Variants in KIAA0825 observed in about 807,000 individuals in gnomAD.
KIAA0825 encodes the protein uncharacterized protein KIAA0825.
KIAA0825 carries 119 observed loss-of-function variants against 147.6 expected under a neutral mutation model. The ratio of observed to expected loss-of-function variants is 0.81; its 90% CI spans 0.69 to 0.94. The LOEUF is 0.94. KIAA0825 is among the 40% of genes least tolerant of loss of function. The pLI is 0.00. For synonymous variants in KIAA0825, 470 were observed against 518.1 expected, an observed-to-expected ratio of 0.91 and a Z score of 1.26; for missense variants, 1,381 against 1,472.7, an observed-to-expected ratio of 0.94 and a Z score of 1.02.
intron 20 of KIAA0825, among the ~76,000 whole-genome samples, chr5:94,299,459 G>C (rs189168646): frequency 1.4e-3 from 210 of 151,690 alleles, no homozygotes; most frequent in Non-Finnish European, 8.1e-4. Flanking sequence ...GGGCTCAAGT[G>C]ACCCTCCTGT....
chr5:94,492,345 G>A (rs1042967133), intron 5 of KIAA0825, among the ~76,000 whole-genome samples: 32 of 152,252 alleles, frequency 2.1e-4, no homozygotes, highest in African/African-American at 1.4e-4. Context: ...ACTGTTCTTG[G>A]GAGGTAGTAC....
At chr5:94,410,292 C>CA (rs1245925241) in intron 15 of KIAA0825, among the ~76,000 whole-genome samples, 2 of 150,024 alleles carry the variant, frequency 1.3e-5, no homozygotes, top group Non-Finnish European at 1.5e-5. Flanking sequence ...AAAAACAATA[C>CA]AAAAAAACAA....
intron 2 of KIAA0825, among the ~76,000 whole-genome samples, chr5:94,572,176 G>A (rs115847436): frequency 0.019 from 2,899 of 152,038 alleles, 71 homozygotes; most frequent in African/African-American, 0.057. Context: ...ATAAAGACTG[G>A]GAAATGTACA....
At position 94,596,633 on chromosome 5, in the gene KIAA0825, A is replaced by C. The variant is rs1241038350; in HGVS notation, c.-152-14050T>G. Among the ~76,000 whole-genome samples the C allele has an allele frequency of 5.9e-5, 9 of 152,192 alleles. 1 individual carries two copies. Among genetic ancestry groups the C allele is most frequent in the Admixed American group, 2.0e-4 (3 of 15,278 alleles). ...TGAAGAATGTCATTGGTAGTTTGAT[A>C]GGAATAGCATTAAATCTGTAAATTG... is the stretch of plus-strand genomic sequence containing the variant. On this transcript the variant is annotated intron_variant, in intron 1 of 20. Coordinates refer to ENST00000682413, the MANE Select transcript of KIAA0825 (RefSeq NM_001145678.3).
intron 5 of KIAA0825, among the ~76,000 whole-genome samples, chr5:94,489,918 A>C (rs1426050713): frequency 6.6e-6 from 1 of 151,510 alleles, no homozygotes; most frequent in Non-Finnish European, 1.5e-5. Flanking sequence ...AAAGAAAAGG[A>C]AGTCTAACTA....
Position 94,395,602 on chromosome 5 carries a change from G to C in KIAA0825, c.3296+499C>G, listed in dbSNP as rs534111437. 2.9e-3 allele frequency among the ~76,000 whole-genome samples: 443 copies of C among 152,238 alleles called. 1 individual carries two copies. The highest frequency in any genetic ancestry group is 5.4e-3 in the Non-Finnish European group (368 of 68,008). On this transcript the variant is annotated intron_variant, in intron 17 of 20. Coordinates refer to ENST00000682413, the MANE Select transcript of KIAA0825 (RefSeq NM_001145678.3). ...GAAACAGCTGGGTGTGTTTATAGCT[G>C]GAGTGTGATATGCCCTAGTTGCCCT...
intron 2 of KIAA0825, among the ~76,000 whole-genome samples, chr5:94,566,791 G>T (rs2152311412): frequency 6.6e-6 from 1 of 152,126 alleles, no homozygotes; most frequent in Middle Eastern, 3.4e-3. Flanking sequence ...AATTTATTAA[G>T]TTCAGAGTAA....
At chr5:94,296,717 C>T in intron 20 of KIAA0825, among the ~76,000 whole-genome samples, 1 of 152,106 alleles carries the variant, frequency 6.6e-6, no homozygotes, top group Admixed American at 6.5e-5. Context: ...TTCTGCTTGC[C>T]CTCTCAGGGC....
chr5:94,184,181 C>T (rs528706970), intron 20 of KIAA0825, among the ~76,000 whole-genome samples: 11 of 151,966 alleles, frequency 7.2e-5, no homozygotes, highest in Admixed American at 5.2e-4. Flanking sequence ...CTAAGTGTCG[C>T]GAGTAGAGAA....
At chr5:94,577,269 A>G (rs1367892772) in intron 2 of KIAA0825, among the ~76,000 whole-genome samples, 1 of 152,238 alleles carries the variant, frequency 6.6e-6, no homozygotes, top group Non-Finnish European at 1.5e-5. Flanking sequence ...AAAAAACCAG[A>G]AAATGAATGG....
At chr5:94,483,632 A>AT (rs987383016) in intron 6 of KIAA0825, among the ~76,000 whole-genome samples, 8 of 150,472 alleles carry the variant, frequency 5.3e-5, no homozygotes, top group Non-Finnish European at 1.2e-4. Flanking sequence ...GTCCATCTTT[A>AT]TTTTTTCTTC....
chr5:94,396,147 A>T lies in KIAA0825; in HGVS notation c.3250T>A (p.Trp1084Arg). 2 of 1,529,800 alleles carry T rather than the reference A, an allele frequency of 1.3e-6. No individual in the cohort carries two copies. The highest frequency in any genetic ancestry group is 1.8e-6 in the Non-Finnish European group (2 of 1,139,214). 94.8% of individuals were successfully genotyped at this position (1,529,800 alleles called of 1,614,324 possible). Residue 1084 changes from tryptophan (W) to arginine (R), a missense_variant, in exon 17 of 21, where the codon TGG (tryptophan) becomes AGG (arginine). By Grantham distance (101) the Trp-to-Arg change is moderately radical. Coordinates refer to ENST00000682413, the MANE Select transcript of KIAA0825 (RefSeq NM_001145678.3). ...GCTTTCAACAATTGACGTTCAATCC[A>T]GTTGGGCTTCTGCTGCTCAATGCTC... Reference protein sequence around the residue: ...IQSIEQQKPNWIERQLLKARK... With the variant: ...IQSIEQQKPNRIERQLLKARK...
intron 1 of KIAA0825, among the ~76,000 whole-genome samples, chr5:94,584,948 T>A (rs532184252): frequency 1.0e-3 from 156 of 152,302 alleles, no homozygotes; most frequent in African/African-American, 3.5e-3. Flanking sequence ...CTAAGCTTCA[T>A]AAGGGCAGGG....
intron 5 of KIAA0825, among the ~76,000 whole-genome samples, chr5:94,503,656 T>C (rs1263872542): frequency 7.8e-6 from 1 of 128,376 alleles, no homozygotes; most frequent in East Asian, 2.1e-4. Flanking sequence ...CTCCATCATC[T>C]GACAATATCT....
chr5:94,326,743 C>T (rs927236753), intron 20 of KIAA0825, among the ~76,000 whole-genome samples: 3 of 152,142 alleles, frequency 2.0e-5, no homozygotes, highest in African/African-American at 4.8e-5. Context: ...CGACATCTGG[C>T]GGTCCTTAGG....
At chr5:94,220,839 A>G (rs1773611464) in intron 20 of KIAA0825, among the ~76,000 whole-genome samples, 1 of 152,108 alleles carries the variant, frequency 6.6e-6, no homozygotes, top group Admixed American at 6.5e-5. Flanking sequence ...TAAGAGGATA[A>G]AGTGCACTAC....
rs1201030472 is a variant in KIAA0825 at position 94,152,902 on chromosome 5, AT to A, written c.*1104del. 4.2e-3 allele frequency: 182 copies of A among 43,190 alleles called. 59 individuals are homozygous for A. The highest frequency in any genetic ancestry group is 0.02 in the Middle Eastern group (1 of 50). 2.7% of individuals were successfully genotyped at this position (43,190 alleles called of 1,614,324 possible). On this transcript the variant is annotated 3_prime_UTR_variant, in exon 21 of 21. Coordinates refer to ENST00000682413, the MANE Select transcript of KIAA0825 (RefSeq NM_001145678.3). ...TATATATATATATATATATATATAT[AT>A]GGTTTCTCCCAGACGTTCTTAGACT...
chr5:94,192,460 A>G (rs1770756084), intron 20 of KIAA0825, among the ~76,000 whole-genome samples: 2 of 152,220 alleles, frequency 1.3e-5, no homozygotes, highest in African/African-American at 2.4e-5. Flanking sequence ...TATGGTAAAA[A>G]GAAATATACT....
chr5:94,262,002 TA>T (rs536796926), intron 20 of KIAA0825, among the ~76,000 whole-genome samples: 7 of 151,994 alleles, frequency 4.6e-5, no homozygotes, highest in African/African-American at 7.2e-5. Flanking sequence ...AAATTTCTTT[TA>T]AAAAAATCTC....
Sources: gnomAD v4.1 joint callset for allele counts (sites outside exome capture counted in the v4.1 genomes callset) on GRCh38, gnomAD v4.1.1 for gene constraint, MANE v1.5 for transcripts, NCBI Gene and HGNC (gene_info 2026-07-23, HGNC 2026-07-21) for gene names.